Variants in NTM observed in about 807,000 individuals in gnomAD.
NTM encodes the protein IgLON family member 2.
In NTM, 13 loss-of-function variants were observed where a neutral mutation model predicts 42.1. The ratio of observed to expected loss-of-function variants is 0.31; its 90% CI spans 0.20 to 0.49. The LOEUF is 0.49. NTM is among the 20% of genes least tolerant of loss of function. The pLI is 0.99. For synonymous variants in NTM, 187 were observed against 179.2 expected (o/e 1.04, Z -0.35); for missense variants, 373 against 452.8 (o/e 0.82, Z 1.60).
intron 2 of NTM, among the ~76,000 whole-genome samples, chr11:132,022,382 T>C (rs569571164): frequency 1.3e-5 from 2 of 152,368 alleles, no homozygotes; most frequent in South Asian, 4.1e-4. Flanking sequence ...CTGGTCTTTA[T>C]TTAGCACTGT....
intron 1 of NTM, among the ~76,000 whole-genome samples, chr11:131,821,683 T>G (rs931719981): frequency 1.3e-5 from 2 of 152,208 alleles, no homozygotes; most frequent in African/African-American, 4.8e-5. Flanking sequence ...TTAAAATGCA[T>G]GCTTTGCTCT....
chr11:132,152,808 A>G (rs1475432694), intron 3 of NTM, among the ~76,000 whole-genome samples: 1 of 152,256 alleles, frequency 6.6e-6, no homozygotes, highest in Non-Finnish European at 1.5e-5. Context: ...AAATGTAAAG[A>G]CTAAAGTAAT....
At chr11:131,953,316 T>C (rs1172060472) in intron 2 of NTM, among the ~76,000 whole-genome samples, 1 of 152,152 alleles carries the variant, frequency 6.6e-6, no homozygotes, top group East Asian at 1.9e-4. Context: ...GGACTAAAAT[T>C]GAGATCTATC....
chr11:132,270,699 G>A (rs1182154663), intron 4 of NTM, among the ~76,000 whole-genome samples: 3 of 149,680 alleles, frequency 2.0e-5, no homozygotes, highest in Non-Finnish European at 3.0e-5. Context: ...GATTAGAATG[G>A]CTGTGTCACA....
chr11:132,130,410 CG>C (rs2066608899), intron 2 of NTM, among the ~76,000 whole-genome samples: 1 of 151,924 alleles, frequency 6.6e-6, no homozygotes, highest in Non-Finnish European at 1.5e-5. Context: ...TTTTAATTCC[CG>C]TGATAATTAC....
intron 3 of NTM, among the ~76,000 whole-genome samples, chr11:132,174,631 C>T (rs1034363576): frequency 3.3e-5 from 5 of 152,126 alleles, no homozygotes; most frequent in African/African-American, 1.2e-4. Flanking sequence ...GAACTGCTTT[C>T]TCTGAGTGGT....
At chr11:131,451,804 G>C (rs559039125) in intron 1 of NTM, among the ~76,000 whole-genome samples, 6 of 152,206 alleles carry the variant, frequency 3.9e-5, no homozygotes, top group African/African-American at 1.2e-4. Flanking sequence ...TCTGACAAGG[G>C]CATGAGTGAA....
intron 2 of NTM, among the ~76,000 whole-genome samples, chr11:132,111,786 C>A (rs557011126): frequency 3.9e-5 from 6 of 152,224 alleles, no homozygotes; most frequent in Non-Finnish European, 8.8e-5. Flanking sequence ...AAATAGAATA[C>A]GTTTCTTCTA....
At chr11:131,672,104 C>T (rs373790048) in intron 1 of NTM, among the ~76,000 whole-genome samples, 13 of 152,204 alleles carry the variant, frequency 8.5e-5, no homozygotes, top group African/African-American at 1.9e-4. Context: ...GGAGTGGACT[C>T]GGCTTTCCAC....
chr11:131,842,294 C>G (rs1364795839), intron 1 of NTM, among the ~76,000 whole-genome samples: 2 of 152,122 alleles, frequency 1.3e-5, no homozygotes, highest in Non-Finnish European at 2.9e-5. Context: ...CAGTTTTTCT[C>G]TTGTCTTATT....
intron 1 of NTM, among the ~76,000 whole-genome samples, chr11:131,404,451 G>T (rs769838678): frequency 2.0e-5 from 3 of 152,066 alleles, no homozygotes; most frequent in African/African-American, 4.8e-5. Flanking sequence ...TTCTCTGTAT[G>T]CTGGGTCTGC....
intron 1 of NTM, among the ~76,000 whole-genome samples, chr11:131,384,737 C>T (rs1283993266): frequency 1.3e-5 from 2 of 152,268 alleles, no homozygotes; most frequent in East Asian, 1.9e-4. Context: ...AGAAAGACTG[C>T]TTCCATTACT....
intron 2 of NTM, among the ~76,000 whole-genome samples, chr11:131,975,572 A>G (rs1306216645): frequency 2.0e-5 from 3 of 152,166 alleles, no homozygotes; most frequent in African/African-American, 7.2e-5. Context: ...CAAAACCCCA[A>G]TAAAAGCTTA....
At chr11:132,179,786 T>G (rs900726885) in intron 3 of NTM, among the ~76,000 whole-genome samples, 8 of 152,154 alleles carry the variant, frequency 5.3e-5, no homozygotes, top group African/African-American at 1.7e-4. Flanking sequence ...CTCATGGGGC[T>G]TGGCGACTGG....
At chr11:131,857,585 C>A (rs987502527) in intron 1 of NTM, among the ~76,000 whole-genome samples, 4 of 152,138 alleles carry the variant, frequency 2.6e-5, no homozygotes, top group Non-Finnish European at 5.9e-5. Context: ...GGGATAGGAA[C>A]CTTGTCTTTT....
chr11:132,316,624 G>A (rs1012923040), intron 7 of NTM, among the ~76,000 whole-genome samples: 1 of 152,174 alleles, frequency 6.6e-6, no homozygotes, highest in Non-Finnish European at 1.5e-5. Flanking sequence ...GAAAAAGTTT[G>A]CAGGATGTTT....
chr11:131,975,271 C>T (rs1438373802), intron 2 of NTM, among the ~76,000 whole-genome samples: 9 of 152,046 alleles, frequency 5.9e-5, no homozygotes, highest in South Asian at 2.1e-4. Flanking sequence ...ACCTCTGCCT[C>T]CCGGGTTCAA....
At chr11:132,175,160 T>A (rs1448386969) in intron 3 of NTM, among the ~76,000 whole-genome samples, 1 of 152,140 alleles carries the variant, frequency 6.6e-6, no homozygotes, top group East Asian at 1.9e-4. Context: ...CATGTAGGAT[T>A]TTTAATTAAA....
chr11:131,977,020 C>T (rs1181142658), intron 2 of NTM, among the ~76,000 whole-genome samples: 2 of 113,144 alleles, frequency 1.8e-5, no homozygotes, highest in Admixed American at 1.6e-4. Flanking sequence ...ACCAGCCCCA[C>T]CAGTCCTAGA....
Sources: allele counts gnomAD v4.1 joint callset (sites outside exome capture counted in the v4.1 genomes callset), GRCh38; gene constraint gnomAD v4.1.1; transcripts MANE v1.5; gene names NCBI Gene and HGNC (gene_info 2026-07-23, HGNC 2026-07-21).